Variants in DLG5 observed in about 807,000 individuals in gnomAD.
DLG5 encodes discs large MAGUK scaffold protein 5.
DLG5 carries 48 observed loss-of-function variants against 189.8 expected under a neutral mutation model. The ratio of observed to expected loss-of-function variants is 0.25; its 90% CI spans 0.20 to 0.32. The LOEUF (loss-of-function observed/expected upper bound fraction) is 0.32, where lower values mean the gene tolerates loss of function less well. Ranked by LOEUF, DLG5 falls within the 10% of genes least tolerant of loss-of-function variation. DLG5 has a pLI of 1.00. For synonymous variants in DLG5, 1,016 were observed against 1,054.1 expected (o/e 0.96, Z 0.70); for missense variants, 2,160 against 2,544.7 (o/e 0.85, Z 3.25).
At chr10:77,865,559 TCTC>T (rs753055705) in intron 2 of DLG5, among the ~76,000 whole-genome samples, 6 of 152,144 alleles carry the variant, frequency 3.9e-5, no homozygotes, top group African/African-American at 9.7e-5. Flanking sequence ...GAATGTCTCT[TCTC>T]CTCCTTAAAA....
chr10:77,876,727 G>A (rs1482446259), intron 1 of DLG5, among the ~76,000 whole-genome samples: 3 of 57,420 alleles, frequency 5.2e-5, no homozygotes, highest in African/African-American at 1.8e-4. Flanking sequence ...GGGAGGGAGG[G>A]AAGGAAGGGA....
In DLG5 at chr10:77,821,378, C is replaced by T; in HGVS notation, c.3106G>A (p.Ala1036Thr). The change falls in exon 15 of 32, where the codon GCC becomes ACC. Residue 1036 changes from alanine to threonine, a missense_variant. Coordinates refer to ENST00000372391, the MANE Select transcript of DLG5 (RefSeq NM_004747.4). Reference protein sequence around the residue: ...HRLETSSESEATLVGSSPSTS... With the variant: ...HRLETSSESETTLVGSSPSTS... ...GATGGGGAGCTGCCCACCAGAGTGG[C>T]TTCTGACTCGGAGCTAGTCTCCAGC... 6.2e-7 allele frequency: 1 copy of T among 1,612,564 alleles called. No individual in the cohort carries two copies. Among genetic ancestry groups the T allele is most frequent in the Non-Finnish European group, 8.5e-7 (1 of 1,179,924 alleles).
intron 1 of DLG5, among the ~76,000 whole-genome samples, chr10:77,876,873 C>CTT (rs35257302): frequency 6.8e-4 from 97 of 143,332 alleles, no homozygotes; most frequent in African/African-American, 2.0e-3. Flanking sequence ...TCTGTCCATT[C>CTT]TTTTTTTTTT....
chr10:77,910,883 A>G (rs951982890), intron 1 of DLG5, among the ~76,000 whole-genome samples: 12 of 151,854 alleles, frequency 7.9e-5, no homozygotes, highest in Non-Finnish European at 1.5e-5. Flanking sequence ...GAGACACAAG[A>G]ATCTCTTGAA....
intron 23 of DLG5, 24 bp downstream of exon 23, chr10:77,811,070 A>G (rs1460333521): frequency 4.4e-6 from 7 of 1,607,198 alleles, no homozygotes; most frequent in Non-Finnish European, 5.1e-6. Context: ...GACACAGGGA[A>G]GGCTCACAGC....
chr10:77,919,073 G>A (rs1270659042), intron 1 of DLG5, among the ~76,000 whole-genome samples: 3 of 152,018 alleles, frequency 2.0e-5, no homozygotes, highest in South Asian at 2.1e-4. Context: ...AAAATTAGCC[G>A]GGGGTGATGG....
chr10:77,897,261 C>T (rs898548534), intron 1 of DLG5, among the ~76,000 whole-genome samples: 19 of 152,034 alleles, frequency 1.2e-4, no homozygotes, highest in South Asian at 6.2e-4. Context: ...GAGGCTGAGG[C>T]GGGAGAATAG....
chr10:77,905,965 T>C (rs1311439622), intron 1 of DLG5, among the ~76,000 whole-genome samples: 1 of 152,234 alleles, frequency 6.6e-6, no homozygotes, highest in Non-Finnish European at 1.5e-5. Flanking sequence ...AAATACATCA[T>C]GCTGCCTGCC....
intron 7 of DLG5, among the ~76,000 whole-genome samples, chr10:77,839,636 TTCA>T (rs1466461869): frequency 6.6e-6 from 1 of 152,238 alleles, no homozygotes; most frequent in Non-Finnish European, 1.5e-5. Context: ...AGTTTCCTTC[TTCA>T]TCATTTTGTT....
chr10:77,811,053 C>T (rs1477988422), intron 23 of DLG5, 41 bp downstream of exon 23: 10 of 1,592,592 alleles, frequency 6.3e-6, no homozygotes, highest in South Asian at 2.3e-5. Context: ...CCCACCCAGC[C>T]GAAGCGGACA....
chr10:77,834,109 A>G (rs1843009256), intron 8 of DLG5, 70 bp from the exon 9 acceptor site: 1 of 1,555,632 alleles, frequency 6.4e-7, no homozygotes, highest in South Asian at 1.2e-5. Context: ...TCTGCAGCGG[A>G]TGGTCTGGCC....
Position 77,926,657 on chromosome 10 carries a change from T to G in DLG5, c.-137A>C. On this transcript the variant is annotated 5_prime_UTR_variant, in exon 1 of 32. Coordinates refer to ENST00000372391, the MANE Select transcript of DLG5 (RefSeq NM_004747.4). The surrounding 1 kb of genome is among the most constrained non-coding windows in gnomAD (Gnocchi z 5.2). ...GCGGCGGGAGCCATGGGCCGGGGCCTGGGCGGGCTGGGGGCCCGGGGCGGC... is the reference window on the plus strand; with the variant it reads ...GCGGCGGGAGCCATGGGCCGGGGCCGGGGCGGGCTGGGGGCCCGGGGCGGC... The G allele has an allele frequency of 2.0e-6, 1 of 500,578 alleles. No individual in the cohort carries two copies. 31.0% of individuals were successfully genotyped at this position (500,578 alleles called of 1,614,324 possible). A position where few individuals can be genotyped will look rare whatever the true frequency, so the allele number is the denominator to read the frequency against.
At chr10:77,900,684 C>A (rs1845898652) in intron 1 of DLG5, among the ~76,000 whole-genome samples, 3 of 152,144 alleles carry the variant, frequency 2.0e-5, no homozygotes, top group African/African-American at 4.8e-5. Context: ...CACCTGTAAT[C>A]CCAGCACTTT....
chr10:77,854,354 T>C lies in DLG5; in HGVS notation c.553A>G (p.Asn185Asp). ...ATCTTCAGCCTCTCATAGTCAGGAT[T>C]CAGCCTGTGGTAGGGCCTGGCCCAG... Reference protein sequence around the residue: ...AFDKRPYHRLNPDYERLKIQC... With the variant: ...AFDKRPYHRLDPDYERLKIQC... The change falls in exon 4 of 32, where the codon AAT becomes GAT. Residue 185 changes from asparagine to aspartate, a missense_variant. Physicochemically the swap from Asn to Asp is conservative, Grantham distance 23 (BLOSUM62 1). This residue lies in a region of DLG5 where 664 missense variants were observed against 838.5 expected (regional missense o/e 0.79). Coordinates refer to ENST00000372391, the MANE Select transcript of DLG5 (RefSeq NM_004747.4). 6.2e-7 allele frequency: 1 copy of C among 1,614,114 alleles called. No individual in the cohort carries two copies. Among genetic ancestry groups the C allele is most frequent in the Non-Finnish European group, 8.5e-7 (1 of 1,180,036 alleles).
chr10:77,800,521 G>T (rs897200831), intron 27 of DLG5, among the ~76,000 whole-genome samples: 8 of 151,818 alleles, frequency 5.3e-5, no homozygotes, highest in Non-Finnish European at 1.0e-4. Context: ...GAGAACCCAG[G>T]CACGGGGCCG....
At chr10:77,868,383 A>G (rs1339365723) in intron 2 of DLG5, 7 of 347,862 alleles carry the variant, frequency 2.0e-5, no homozygotes, top group Non-Finnish European at 4.0e-5. Flanking sequence ...GAGGTGTTCA[A>G]GATGTGAGCT....
intron 6 of DLG5, 125 bp from the exon 7 acceptor site, chr10:77,842,318 C>A: frequency 1.7e-6 from 2 of 1,154,622 alleles, no homozygotes; most frequent in South Asian, 3.1e-5. Context: ...CAAGTGAAGT[C>A]ACTCTCTCCA....
intron 7 of DLG5, 112 bp from the exon 8 acceptor site, chr10:77,836,034 G>C: frequency 8.7e-7 from 1 of 1,146,178 alleles, no homozygotes; most frequent in Non-Finnish European, 1.2e-6. Flanking sequence ...TGGATGGAGG[G>C]AAACACGGAG....
At chr10:77,850,501 C>A (rs1269306690) in intron 5 of DLG5, among the ~76,000 whole-genome samples, 1 of 152,182 alleles carries the variant, frequency 6.6e-6, no homozygotes, top group Non-Finnish European at 1.5e-5. Context: ...ATTCACACCT[C>A]AAGTTTCTGT....
Sources: allele counts gnomAD v4.1 joint callset (sites outside exome capture counted in the v4.1 genomes callset), GRCh38; gene constraint gnomAD v4.1.1; regional missense constraint gnomAD v4.1.1; non-coding constraint Gnocchi (gnomAD v3.1); transcripts MANE v1.5; gene names NCBI Gene and HGNC (gene_info 2026-07-23, HGNC 2026-07-21).